DPP10: variants seen among roughly 807,000 people sequenced by gnomAD.
DPP10 encodes the protein dipeptidyl peptidase like 10.
In DPP10, 33 loss-of-function variants were observed where a neutral mutation model predicts 120.9. The observed-to-expected ratio is 0.27, with a 90% CI of 0.21 to 0.37. The LOEUF (loss-of-function observed/expected upper bound fraction) is 0.37, where lower values mean the gene tolerates loss of function less well. Ranked by LOEUF, DPP10 falls within the 10% of genes least tolerant of loss-of-function variation. The probability of loss-of-function intolerance (pLI) is 1.00; values close to 1 mark genes in which losing one functional copy is unlikely to be tolerated. For synonymous variants in DPP10, 337 were observed against 326.1 expected, an observed-to-expected ratio of 1.03 and a Z score of -0.36; for missense variants, 816 against 942.8, an observed-to-expected ratio of 0.87 and a Z score of 1.76.
chr2:114,729,837 G>A (rs1227793720), intron 1 of DPP10, among the ~76,000 whole-genome samples: 1 of 152,174 alleles, frequency 6.6e-6, no homozygotes, highest in Admixed American at 6.5e-5. Flanking sequence ...CAGTCATATT[G>A]AACAGAAAGA....
Position 114,600,026 on chromosome 2 carries a change from G to A in DPP10, c.60+157188G>A, listed in dbSNP as rs151089804. ...GGTCTATTTTTTTAATGTGTATTCT[G>A]TTTGGGATTCATTGAGCTTCCTCTA... On this transcript the variant is annotated intron_variant, in intron 1 of 25. Coordinates refer to ENST00000410059, the MANE Select transcript of DPP10 (RefSeq NM_020868.6). Among the ~76,000 whole-genome samples, 433 of 151,236 alleles carry A rather than the reference G, an allele frequency of 2.9e-3. 4 individuals are homozygous for A. Among genetic ancestry groups the A allele is most frequent in the Non-Finnish European group, 1.9e-3 (130 of 67,588 alleles).
intron 1 of DPP10, among the ~76,000 whole-genome samples, chr2:115,154,527 G>A (rs896083748): frequency 2.6e-5 from 4 of 152,074 alleles, no homozygotes; most frequent in Admixed American, 6.6e-5. Flanking sequence ...ATGTCAAGTA[G>A]AGAAAAGTAA....
intron 1 of DPP10, among the ~76,000 whole-genome samples, chr2:114,451,674 G>A (rs1170086672): frequency 6.6e-6 from 1 of 152,110 alleles, no homozygotes; most frequent in Non-Finnish European, 1.5e-5. Context: ...GGCTGCAAAT[G>A]CATACATGGA....
At chr2:114,780,102 C>G (rs974808027) in intron 1 of DPP10, among the ~76,000 whole-genome samples, 2 of 151,526 alleles carry the variant, frequency 1.3e-5, no homozygotes, top group African/African-American at 2.4e-5. Context: ...CACCACTGCA[C>G]TCCAGCCTGG....
intron 4 of DPP10, among the ~76,000 whole-genome samples, chr2:115,509,911 G>GT (rs2077137341): frequency 6.6e-6 from 1 of 152,134 alleles, no homozygotes; most frequent in Non-Finnish European, 1.5e-5. Flanking sequence ...TGGGTGTGAA[G>GT]TAATATCTTG....
chr2:115,327,107 T>C lies in DPP10; in HGVS notation c.176-16710T>C, dbSNP rs192145366. Among the ~76,000 whole-genome samples the C allele has an allele frequency of 2.1e-3, 319 of 152,196 alleles. 2 individuals are homozygous for C. The highest frequency in any genetic ancestry group is 6.8e-3 in the Middle Eastern group (2 of 294). ...TATAATGTTTTTTAACTATATATTT[T>C]CTATGTTTAGATACACAAATAGTTA... On this transcript the variant is annotated intron_variant, in intron 2 of 25. Coordinates refer to ENST00000410059, the MANE Select transcript of DPP10 (RefSeq NM_020868.6).
intron 1 of DPP10, among the ~76,000 whole-genome samples, chr2:114,792,926 A>G (rs942577453): frequency 6.6e-6 from 1 of 151,868 alleles, no homozygotes; most frequent in African/African-American, 2.4e-5. Flanking sequence ...GTAATAACTC[A>G]TAGCCATGAA....
chr2:114,687,477 C>T (rs1699449392), intron 1 of DPP10, among the ~76,000 whole-genome samples: 1 of 151,882 alleles, frequency 6.6e-6, no homozygotes, highest in African/African-American at 2.4e-5. Context: ...GTTTAAAAAT[C>T]AAACAACCAG....
chr2:115,699,036 C>CAAAAAA (rs1191197397), intron 7 of DPP10, among the ~76,000 whole-genome samples: 4 of 50,788 alleles, frequency 7.9e-5, no homozygotes, highest in African/African-American at 1.4e-4. Flanking sequence ...AAAAAAAAAA[C>CAAAAAA]AAAAAAAAAA....
chr2:115,194,830 A>G (rs1036168917), intron 1 of DPP10, among the ~76,000 whole-genome samples: 9 of 152,200 alleles, frequency 5.9e-5, no homozygotes, highest in South Asian at 2.1e-4. Flanking sequence ...TGTTGGATAC[A>G]GTAGGAGATT....
At chr2:114,881,417 CCTAT>C (rs770286505) in intron 1 of DPP10, among the ~76,000 whole-genome samples, 44 of 152,152 alleles carry the variant, frequency 2.9e-4, no homozygotes, top group Admixed American at 2.1e-3. Context: ...CTACCATTTA[CCTAT>C]CTATCACCTA....
intron 1 of DPP10, among the ~76,000 whole-genome samples, chr2:114,931,508 C>G (rs1435069917): frequency 6.6e-6 from 1 of 152,150 alleles, no homozygotes; most frequent in Admixed American, 6.5e-5. Flanking sequence ...TGAGCCAGGC[C>G]AAGTCATTCC....
At chr2:115,146,403 C>A (rs2051226841) in intron 1 of DPP10, among the ~76,000 whole-genome samples, 2 of 151,952 alleles carry the variant, frequency 1.3e-5, no homozygotes, top group Non-Finnish European at 2.9e-5. Flanking sequence ...TATCTTGTAT[C>A]ATGTATTTCT....
intron 1 of DPP10, among the ~76,000 whole-genome samples, chr2:115,149,474 G>A (rs538385431): frequency 6.6e-6 from 1 of 152,222 alleles, no homozygotes; most frequent in South Asian, 2.1e-4. Context: ...TTATCTGATG[G>A]ATCCCAATGC....
At chr2:115,782,621 C>T (rs1204604240) in intron 17 of DPP10, among the ~76,000 whole-genome samples, 6 of 151,824 alleles carry the variant, frequency 4.0e-5, no homozygotes, top group Non-Finnish European at 5.9e-5. Flanking sequence ...CTTATATGCC[C>T]GAAATAGGAT....
chr2:114,880,931 G>T (rs1033068704), intron 1 of DPP10, among the ~76,000 whole-genome samples: 2 of 152,094 alleles, frequency 1.3e-5, no homozygotes, highest in African/African-American at 4.8e-5. Context: ...GAGGCAAAGG[G>T]CTAGACTGGA....
chr2:115,706,761 A>G (rs960513710), intron 7 of DPP10, among the ~76,000 whole-genome samples: 3 of 152,002 alleles, frequency 2.0e-5, no homozygotes, highest in Admixed American at 1.3e-4. Context: ...ACCATCTTAC[A>G]TAACCCCTGA....
intron 1 of DPP10, among the ~76,000 whole-genome samples, chr2:114,969,880 T>C (rs1238401766): frequency 6.6e-6 from 1 of 152,164 alleles, no homozygotes; most frequent in Non-Finnish European, 1.5e-5. Flanking sequence ...CTAACCCTCA[T>C]TAAATTACGA....
chr2:115,682,912 T>G (rs887441771), intron 5 of DPP10, among the ~76,000 whole-genome samples: 2 of 151,886 alleles, frequency 1.3e-5, no homozygotes, highest in South Asian at 4.1e-4. Context: ...TCTAATTCTT[T>G]TCCACTGTGA....
Sources: allele counts gnomAD v4.1 joint callset (sites outside exome capture counted in the v4.1 genomes callset), GRCh38; gene constraint gnomAD v4.1.1; transcripts MANE v1.5; gene names NCBI Gene and HGNC (gene_info 2026-07-23, HGNC 2026-07-21).